The following LHX6 variants were observed in gnomAD, a reference collection of about 807,000 sequenced individuals.
LHX6 encodes the protein LIM/homeobox protein Lhx6.
A neutral mutation model predicts 47.1 loss-of-function variants in LHX6; 15 were observed. That is an observed-to-expected ratio of 0.32 (90% CI 0.21 to 0.49). The LOEUF (loss-of-function observed/expected upper bound fraction) is 0.49. LHX6 is among the 20% of genes least tolerant of loss of function. The probability of loss-of-function intolerance (pLI) is 0.99; values close to 1 mark genes in which losing one functional copy is unlikely to be tolerated. For missense variants in LHX6, 404 were observed against 539.6 expected (o/e 0.75, Z 2.49); for synonymous variants, 242 against 233.5 (o/e 1.04, Z -0.33).
chr9:122,208,349 C>T (rs1238024016), intron 9 of LHX6, among the ~76,000 whole-genome samples: 1 of 152,092 alleles, frequency 6.6e-6, no homozygotes, highest in African/African-American at 2.4e-5. Context: ...TCCCCCTCCC[C>T]AGCTCCCATG....
chr9:122,214,110 A>G lies in LHX6; in HGVS notation c.784-41T>C. On this transcript the variant is annotated intron_variant, in intron 6 of 9. Transcript: ENST00000394319. The surrounding 1 kb of genome is among the most constrained non-coding windows in gnomAD (Gnocchi z 4.6). ...GGCGGTGAGGCGCTCGCACGCAGAGACTCCGAGACCCCGGCCCAATCAGCG... is the reference window on the plus strand; with the variant it reads ...GGCGGTGAGGCGCTCGCACGCAGAGGCTCCGAGACCCCGGCCCAATCAGCG... 1 of 1,550,970 alleles carries G rather than the reference A, an allele frequency of 6.4e-7. No homozygotes were observed. Among genetic ancestry groups the G allele is most frequent in the Non-Finnish European group, 8.7e-7 (1 of 1,144,488 alleles).
intron 4 of LHX6, among the ~76,000 whole-genome samples, chr9:122,219,503 G>T (rs1387764405): frequency 6.6e-6 from 1 of 152,170 alleles, no homozygotes; most frequent in Non-Finnish European, 1.5e-5. Context: ...TCCGCCACCC[G>T]GCTGGTGGTA....
rs58897697 is a variant in LHX6 at position 122,221,227 on chromosome 9, A to G, written c.462-3939T>C. Reference sequence around the variant, plus strand: ...CCGTAGGGGAAGAAGCCAGAGGGGGAAAAAAAACCCAGAACCAGCAATTAA... The same window carrying G: ...CCGTAGGGGAAGAAGCCAGAGGGGGGAAAAAAACCCAGAACCAGCAATTAA... On this transcript the variant is annotated intron_variant, in intron 4 of 9. Transcript: ENST00000394319. 2,656 of 961,790 alleles carry G rather than the reference A, an allele frequency of 2.8e-3. 41 individuals are homozygous for G. In the African/African-American group the frequency reaches 0.06, roughly 22 times the overall value. 59.6% of individuals were successfully genotyped at this position (961,790 alleles called of 1,614,324 possible). A position where few individuals can be genotyped will look rare whatever the true frequency, so the allele number is the denominator to read the frequency against.
Position 122,214,559 on chromosome 9 carries a change from G to T in LHX6, c.683-176C>A, listed in dbSNP as rs898532811. On this transcript the variant is annotated intron_variant, in intron 5 of 9. Transcript: ENST00000394319. The surrounding 1 kb of genome is among the most constrained non-coding windows in gnomAD (Gnocchi z 4.6). ...GTCTTTGGGGAAGGGGTTTCTGAGC[G>T]TCCGCTTAGTACTGGACACTTCTTA... 1.4e-5 allele frequency: 7 copies of T among 482,898 alleles called. No homozygotes were observed. Among genetic ancestry groups the T allele is most frequent in the African/African-American group, 1.1e-4 (5 of 47,584 alleles). 29.9% of individuals were successfully genotyped at this position (482,898 alleles called of 1,614,324 possible). A position where few individuals can be genotyped will look rare whatever the true frequency, so the allele number is the denominator to read the frequency against.
chr9:122,219,726 G>A (rs1000068487), intron 4 of LHX6, among the ~76,000 whole-genome samples: 2 of 152,132 alleles, frequency 1.3e-5, no homozygotes, highest in Admixed American at 1.3e-4. Context: ...TTCAGAGCCG[G>A]CGAGTGATTT....
intron 8 of LHX6, among the ~76,000 whole-genome samples, chr9:122,211,732 T>C (rs1011630243): frequency 2.9e-4 from 44 of 152,164 alleles, no homozygotes; most frequent in Non-Finnish European, 7.4e-5. Context: ...AAGACAGATC[T>C]AAGTTTGGTC....
Position 122,203,939 on chromosome 9 carries a change from C to T in LHX6, c.*821G>A, listed in dbSNP as rs1275456044. ...AGTCATGGCACAGATCGAATACCAT[C>T]GCTGCTATGTTTCTTACATATATGC... On this transcript the variant is annotated 3_prime_UTR_variant, in exon 10 of 10. Coordinates refer to ENST00000394319, the MANE Select transcript of LHX6 (RefSeq NM_014368.5). 2 of 152,202 alleles carry T rather than the reference C, an allele frequency of 1.3e-5. No individual in the cohort carries two copies. Among genetic ancestry groups the T allele is most frequent in the Non-Finnish European group, 2.9e-5 (2 of 68,058 alleles). The allele number at this position is 152,202 out of a possible 1,614,324, so 9.4% of individuals were successfully genotyped here. A position where few individuals can be genotyped will look rare whatever the true frequency, so the allele number is the denominator to read the frequency against.
In LHX6 at chr9:122,227,423, C is replaced by T. The variant is rs1481335739; in HGVS notation, c.142G>A (p.Ala48Thr). The change falls in exon 2 of 10, where the codon GCG becomes ACG. Residue 48 changes from alanine to threonine, a missense_variant. Coordinates refer to ENST00000394319, the MANE Select transcript of LHX6 (RefSeq NM_014368.5). Reference sequence around the variant, plus strand: ...AACGGACTCACCATGGCGGGCGGCGCGGTCCCTTCAAGACAGCGGGTGGTC... The same window carrying T: ...AACGGACTCACCATGGCGGGCGGCGTGGTCCCTTCAAGACAGCGGGTGGTC... Reference protein sequence around the residue: ...KATTRCLEGTAPPAMAQSDAE... With the variant: ...KATTRCLEGTTPPAMAQSDAE... 7.8e-7 allele frequency: 1 copy of T among 1,287,236 alleles called. No homozygotes were observed. The highest frequency in any genetic ancestry group is 6.1e-5 in the East Asian group (1 of 16,264). 79.7% of individuals were successfully genotyped at this position (1,287,236 alleles called of 1,614,324 possible).
At chr9:122,210,077 T>C (rs1830344985) in intron 8 of LHX6, among the ~76,000 whole-genome samples, 1 of 152,090 alleles carries the variant, frequency 6.6e-6, no homozygotes, top group Non-Finnish European at 1.5e-5. Flanking sequence ...GGTTTCACCG[T>C]GTTAGCCAGG....
rs912590555 is a variant in LHX6 at position 122,214,496 on chromosome 9, T to G, written c.683-113A>C. 28 of 1,374,308 alleles carry G rather than the reference T, an allele frequency of 2.0e-5. No individual in the cohort carries two copies. Among genetic ancestry groups the G allele is most frequent in the Non-Finnish European group, 2.6e-5 (28 of 1,062,624 alleles). The allele number at this position is 1,374,308 out of a possible 1,614,324, so 85.1% of individuals were successfully genotyped here. On this transcript the variant is annotated intron_variant, in intron 5 of 9. Coordinates refer to ENST00000394319, the MANE Select transcript of LHX6 (RefSeq NM_014368.5). The surrounding 1 kb of genome is among the most constrained non-coding windows in gnomAD (Gnocchi z 4.6). ...GGAAGGGTCAGGAGCGGGAGTTGGC[T>G]GGGAGCAGGGATCCCAGGGTCCTAG...
At chr9:122,225,530 T>C (rs569525316) in intron 4 of LHX6, among the ~76,000 whole-genome samples, 92 of 152,392 alleles carry the variant, frequency 6.0e-4, no homozygotes, top group Non-Finnish European at 1.0e-3. Context: ...TCTCGGCTGC[T>C]GGACGCGGCC....
Position 122,226,795 on chromosome 9 carries a change from G to T in LHX6, c.339+53C>A. 3.3e-6 allele frequency: 5 copies of T among 1,526,692 alleles called. No individual in the cohort carries two copies. The South Asian group carries it at 6.1e-5, about 19-fold the overall frequency. 94.6% of individuals were successfully genotyped at this position (1,526,692 alleles called of 1,614,324 possible). A position where few individuals can be genotyped will look rare whatever the true frequency, so the allele number is the denominator to read the frequency against. The stretch of plus-strand genomic sequence containing the variant: ...CTGCGGTGCTTCCCTGCAGTCTCCT[G>T]CGCTGCGTCCCACGCCCCGACAACA... On this transcript the variant is annotated intron_variant, in intron 3 of 9. Coordinates refer to ENST00000394319, the MANE Select transcript of LHX6 (RefSeq NM_014368.5). The surrounding 1 kb of genome is among the most constrained non-coding windows in gnomAD (Gnocchi z 6.5).
chr9:122,221,972 C>A (rs1391581203), intron 4 of LHX6, among the ~76,000 whole-genome samples: 8 of 152,182 alleles, frequency 5.3e-5, no homozygotes, highest in African/African-American at 1.9e-4. Context: ...CACCCCCACG[C>A]CACCATACTG....
chr9:122,206,694 GGCTCCTCTCCAA>G (rs1830193219), intron 9 of LHX6, among the ~76,000 whole-genome samples: 1 of 152,158 alleles, frequency 6.6e-6, no homozygotes, highest in Admixed American at 6.5e-5. Context: ...AGGAGGCAAA[GGCTCCTCTCCAA>G]GCACTGAGCC....
chr9:122,221,319 T>TG (rs1830846444), intron 4 of LHX6: 1 of 985,180 alleles, frequency 1.0e-6, no homozygotes, highest in Non-Finnish European at 1.2e-6. Context: ...CCCTCTCGGC[T>TG]CCCCCAACAT....
chr9:122,218,324 A>G (rs949697925), intron 4 of LHX6, among the ~76,000 whole-genome samples: 7 of 152,010 alleles, frequency 4.6e-5, no homozygotes, highest in Non-Finnish European at 8.8e-5. Flanking sequence ...TACACCCTCT[A>G]TTTCAGAGAA....
At position 122,213,858 on chromosome 9, in the gene LHX6, C is replaced by G; in HGVS notation, c.880-78G>C. The G allele has an allele frequency of 6.6e-7, 1 of 1,522,812 alleles. No individual in the cohort carries two copies. The highest frequency in any genetic ancestry group is 1.4e-5 in the African/African-American group (1 of 73,094). 94.3% of individuals were successfully genotyped at this position (1,522,812 alleles called of 1,614,324 possible). A position where few individuals can be genotyped will look rare whatever the true frequency, so the allele number is the denominator to read the frequency against. On this transcript the variant is annotated intron_variant, in intron 7 of 9. Transcript: ENST00000394319. The surrounding 1 kb of genome is among the most constrained non-coding windows in gnomAD (Gnocchi z 5.5). Reference sequence around the variant, plus strand: ...CGCCGGGAGACCCCAGGCGGGACTGCCTCGTCGCCTCCTGGAGAAGGATGG... The same window carrying G: ...CGCCGGGAGACCCCAGGCGGGACTGGCTCGTCGCCTCCTGGAGAAGGATGG...
rs983219818 is a variant in LHX6 at position 122,213,705 on chromosome 9, G to T, written c.955C>A (p.Pro319Thr). ...QHPVPPSGAPPSRLPSALSDD... is the reference protein window; with the variant it reads ...QHPVPPSGAPTSRLPSALSDD... ...GACAGGGCGGAGGGAAGGCGGGACG[G>T]GGGCGCCCCCGAGGGCGGCACTGGG... The change falls in exon 8 of 10, where the codon CCG becomes ACG. Residue 319 changes from proline (P) to threonine (T), a missense_variant. Transcript: ENST00000394319. The surrounding 1 kb of genome is among the most constrained non-coding windows in gnomAD (Gnocchi z 5.5). 9.9e-6 allele frequency: 16 copies of T among 1,612,602 alleles called. No individual in the cohort carries two copies. In the Admixed American group the frequency reaches 2.2e-4, roughly 22 times the overall value.
chr9:122,211,468 A>G lies in LHX6; in HGVS notation c.1055-1751T>C, dbSNP rs563246077. 2.0e-5 allele frequency among the ~76,000 whole-genome samples: 3 copies of G among 152,312 alleles called. No individual in the cohort carries two copies. The South Asian group carries it at 6.2e-4, about 32-fold the overall frequency. ...GTATTCTGTGACTTTAGTTAACCGCAGAGCAAACTCTACAGAAAAACTCAT... is the reference window on the plus strand; with the variant it reads ...GTATTCTGTGACTTTAGTTAACCGCGGAGCAAACTCTACAGAAAAACTCAT... On this transcript the variant is annotated intron_variant, in intron 8 of 9. Coordinates refer to ENST00000394319, the MANE Select transcript of LHX6 (RefSeq NM_014368.5).
Sources: gnomAD v4.1 joint callset for allele counts (sites outside exome capture counted in the v4.1 genomes callset) on GRCh38, gnomAD v4.1.1 for gene constraint, Gnocchi (gnomAD v3.1) non-coding constraint, MANE v1.5 for transcripts, NCBI Gene and HGNC (gene_info 2026-07-23, HGNC 2026-07-21) for gene names.